Variants in CHRDL1 observed in about 807,000 individuals in gnomAD.
CHRDL1 encodes chordin-like protein 1.
In CHRDL1, 19 loss-of-function variants were observed where a neutral mutation model predicts 40.9. The ratio of observed to expected loss-of-function variants is 0.46; its 90% confidence interval spans 0.32 to 0.68. The LOEUF (loss-of-function observed/expected upper bound fraction) is 0.68, where lower values mean the gene tolerates loss of function less well. Ranked by LOEUF, CHRDL1 falls within the 30% of genes least tolerant of loss-of-function variation. The pLI is 0.03. For synonymous variants in CHRDL1, 136 were observed against 123.4 expected, an observed-to-expected ratio of 1.10 and a Z score of -0.68; for missense variants, 329 against 352.1, an observed-to-expected ratio of 0.93 and a Z score of 0.53.
chrX:110,678,061 C>T (rs1341599934), intron 11 of CHRDL1, among the ~76,000 whole-genome samples: 1 of 110,778 alleles, frequency 9.0e-6, no homozygotes, highest in Non-Finnish European at 1.9e-5. Context: ...AAGGGTCCAC[C>T]TTTCACTCCA....
chrX:110,681,484 T>C lies in CHRDL1; in HGVS notation c.1154A>G (p.Lys385Arg), dbSNP rs2069895088. ...QVEVHVWTIR[K>R]GILQHFHIEK... is the part of the protein sequence containing the mutation. ...GAAATTAATGTTGTCTTGCTCACCCTTTCGAATAGTCCAAACGTGGACCTC... is the reference window on the plus strand; with the variant it reads ...GAAATTAATGTTGTCTTGCTCACCCCTTCGAATAGTCCAAACGTGGACCTC... Residue 385 changes from lysine (K) to arginine (R), a missense_variant and splice_region_variant, in exon 10 of 12, where the codon AAG becomes AGG. By Grantham distance (26) the Lys-to-Arg change is conservative. Transcript: ENST00000372042. The C allele has an allele frequency of 1.7e-6, 2 of 1,206,448 alleles. No homozygotes were observed. The highest frequency in any genetic ancestry group is 2.2e-6 in the Non-Finnish European group (2 of 891,830).
intron 6 of CHRDL1, among the ~76,000 whole-genome samples, chrX:110,713,394 C>T (rs1344874203): frequency 1.8e-5 from 2 of 112,032 alleles, no homozygotes; most frequent in East Asian, 2.8e-4. Context: ...GACATTTACA[C>T]TCAAGACACT....
At chrX:110,749,218 G>A (rs1238381834) in intron 4 of CHRDL1, among the ~76,000 whole-genome samples, 3 of 111,593 alleles carry the variant, frequency 2.7e-5, no homozygotes, top group Admixed American at 9.5e-5. Context: ...GCACAATCTT[G>A]TGAATGTGAA....
At chrX:110,741,404 A>G (rs1405681471) in intron 4 of CHRDL1, among the ~76,000 whole-genome samples, 1 of 111,630 alleles carries the variant, frequency 9.0e-6, no homozygotes, top group Non-Finnish European at 1.9e-5. Flanking sequence ...TGCTTGCTCA[A>G]AATGATTCAC....
In CHRDL1 at chrX:110,790,665, T is replaced by C. The variant is rs181242248; in HGVS notation, c.94+1423A>G. On this transcript the variant is annotated intron_variant, in intron 2 of 11. Transcript: ENST00000372042. ...TAACCATCACCCAAATAATGTACAT[T>C]GTACTTATTGAGTAATATTTCATCC... Among the ~76,000 whole-genome samples, 24 of 110,118 alleles carry C rather than the reference T, an allele frequency of 2.2e-4. No individual in the cohort carries two copies. In the South Asian group the frequency reaches 7.9e-3, roughly 36 times the overall value.
intron 2 of CHRDL1, among the ~76,000 whole-genome samples, chrX:110,777,897 G>T (rs190103812): frequency 2.7e-3 from 295 of 110,837 alleles, no homozygotes; most frequent in Non-Finnish European, 2.3e-3. Flanking sequence ...TAGAACCTTT[G>T]GTGTTGTATC....
chrX:110,689,466 ATCTATATATCTATATATCTATATC>A (rs1423847650), intron 8 of CHRDL1, among the ~76,000 whole-genome samples: 1,417 of 51,903 alleles, frequency 0.027, 274 homozygotes, highest in African/African-American at 0.13. Context: ...ATCTATATAT[ATCTATATATCTATATATCTATATC>A]TCTATATATC....
rs1194057046 is a variant in CHRDL1 at position 110,674,847 on chromosome X, A to T, written c.*1384T>A. ...CATGCCTGAGATCCTTGCTGTGAAG[A>T]ATTAGGTCTTCCCACAAAGATGATT... On this transcript the variant is annotated 3_prime_UTR_variant, in exon 12 of 12. Transcript: ENST00000372042. The T allele has an allele frequency of 8.9e-6, 1 of 112,160 alleles. No homozygotes were observed. Among genetic ancestry groups the T allele is most frequent in the Non-Finnish European group, 1.9e-5 (1 of 53,221 alleles). The allele number at this position is 112,160 out of a possible 1,213,427, so 9.2% of individuals were successfully genotyped here. A position where few individuals can be genotyped will look rare whatever the true frequency, so the allele number is the denominator to read the frequency against.
At chrX:110,701,005 C>A (rs1237805656) in intron 6 of CHRDL1, among the ~76,000 whole-genome samples, 1 of 112,132 alleles carries the variant, frequency 8.9e-6, no homozygotes, top group African/African-American at 3.2e-5. Context: ...CCTAATTTAA[C>A]CATCACTGTC....
In CHRDL1 at chrX:110,759,672, G is replaced by A; in HGVS notation, c.290C>T (p.Pro97Leu). 1 of 1,193,497 alleles carries A rather than the reference G, an allele frequency of 8.4e-7. No homozygotes were observed. The highest frequency in any genetic ancestry group is 2.3e-4 in the Middle Eastern group (1 of 4,304). ...ACAAATTGCTTTACCTGGGCAGCGA[G>A]GGCAGCACAGATGAGGAATATGCAC... ...SPVHIPHLCC[P>L]RCPEDSLPPV... Residue 97 changes from proline (P) to leucine (L), a missense_variant, in exon 4 of 12, where the codon CCT becomes CTT. Transcript: ENST00000372042.
At chrX:110,722,610 A>G (rs929144075) in intron 4 of CHRDL1, among the ~76,000 whole-genome samples, 21 of 112,592 alleles carry the variant, frequency 1.9e-4, no homozygotes, top group East Asian at 1.1e-3. Context: ...GATTTCACAT[A>G]TATTATTACA....
At chrX:110,712,805 G>A (rs1420939681) in intron 6 of CHRDL1, among the ~76,000 whole-genome samples, 1 of 111,667 alleles carries the variant, frequency 9.0e-6, no homozygotes, top group African/African-American at 3.3e-5. Flanking sequence ...AGGCTGCAGT[G>A]AGCTATAATT....
In CHRDL1 at chrX:110,690,365, CAT is replaced by C. The variant is rs375939145; in HGVS notation, c.779-1564_779-1563del. On this transcript the variant is annotated intron_variant, in intron 8 of 11. Transcript: ENST00000372042. ...GCCCAGCCACATATATATATATTCT[CAT>C]ATATATATATGAGAATAAATGAATG... Among the ~76,000 whole-genome samples the C allele has an allele frequency of 2.7e-3, 285 of 107,300 alleles. 1 individual carries two copies. The highest frequency in any genetic ancestry group is 9.4e-3 in the African/African-American group (277 of 29,359). The allele number at this position is 107,300 out of a possible 115,157, so 93.2% of individuals were successfully genotyped here. A position where few individuals can be genotyped will look rare whatever the true frequency, so the allele number is the denominator to read the frequency against.
chrX:110,735,621 GC>G (rs1294204285), intron 4 of CHRDL1, among the ~76,000 whole-genome samples: 1 of 111,980 alleles, frequency 8.9e-6, no homozygotes, highest in Admixed American at 9.5e-5. Context: ...TCATTAGCAA[GC>G]CCTATAAATC....
In CHRDL1 at chrX:110,776,218, C is replaced by T. The variant is rs191227319; in HGVS notation, c.95-13411G>A. Among the ~76,000 whole-genome samples, 21 of 112,347 alleles carry T rather than the reference C, an allele frequency of 1.9e-4. No individual in the cohort carries two copies. The Middle Eastern group carries it at 0.014, about 75-fold the overall frequency. ...CTTTATGTAGATCCAAGTTTCTGAC[C>T]TATGTCATTTTTCTTCTTTATGAAG... On this transcript the variant is annotated intron_variant, in intron 2 of 11. Coordinates refer to ENST00000372042, the MANE Select transcript of CHRDL1 (RefSeq NM_001143981.2).
chrX:110,694,331 T>G lies in CHRDL1; in HGVS notation c.610A>C (p.Arg204=). ...TAGTGAGAGCGGTGGTAAGAATGTCTCTGTAAAATAACAAGAACAAATTTA... is the reference window on the plus strand; with the variant it reads ...TAGTGAGAGCGGTGGTAAGAATGTCGCTGTAAAATAACAAGAACAAATTTA... The part of the protein sequence containing the change: ...IFRQPANREA[R]HSYHRSHYDP... Residue 204 remains arginine, a splice_region_variant and synonymous_variant, in exon 8 of 12, where the codon AGA becomes CGA. Transcript: ENST00000372042. The G allele has an allele frequency of 1.7e-6, 2 of 1,198,812 alleles. No homozygotes were observed. The highest frequency in any genetic ancestry group is 3.6e-5 in the South Asian group (2 of 55,503).
chrX:110,696,092 C>T (rs2070380365), intron 7 of CHRDL1, among the ~76,000 whole-genome samples: 1 of 111,033 alleles, frequency 9.0e-6, no homozygotes, highest in Non-Finnish European at 1.9e-5. Flanking sequence ...CAAAGTTTTG[C>T]CAAAGGAACA....
intron 9 of CHRDL1, among the ~76,000 whole-genome samples, chrX:110,686,294 AT>A (rs912337218): frequency 1.7e-4 from 19 of 111,659 alleles, no homozygotes; most frequent in African/African-American, 5.9e-4. Flanking sequence ...TGATTATTTA[AT>A]TTTTTAATTG....
intron 6 of CHRDL1, among the ~76,000 whole-genome samples, chrX:110,718,889 T>C (rs940727280): frequency 8.9e-6 from 1 of 111,931 alleles, no homozygotes; most frequent in Non-Finnish European, 1.9e-5. Context: ...GTGTAGGTTG[T>C]GTGCTGCAAA....
Sources: gnomAD v4.1 joint callset for allele counts (sites outside exome capture counted in the v4.1 genomes callset) on GRCh38, gnomAD v4.1.1 for gene constraint, MANE v1.5 for transcripts, NCBI Gene and HGNC (gene_info 2026-07-23, HGNC 2026-07-21) for gene names.